PITPNM2: variants seen among roughly 807,000 people sequenced by gnomAD.
The protein encoded by PITPNM2 is phosphatidylinositol transfer protein membrane associated 2, also known as membrane-associated phosphatidylinositol transfer protein 2.
A neutral mutation model predicts 132.2 loss-of-function variants in PITPNM2; 35 were observed. That is an observed-to-expected ratio of 0.26 (90% CI 0.20 to 0.35). The LOEUF (loss-of-function observed/expected upper bound fraction) is 0.35. PITPNM2 is among the 10% of genes least tolerant of loss of function. PITPNM2 has a pLI of 1.00. For synonymous variants in PITPNM2, 738 were observed against 799.2 expected (o/e 0.92, Z 1.29); for missense variants, 1,332 against 1,912.0 (o/e 0.70, Z 5.66).
At position 123,001,147 on chromosome 12, in the gene PITPNM2, C is replaced by G. The variant is rs148826908; in HGVS notation, c.1060G>C (p.Asp354His). The change falls in exon 9 of 26, where the codon GAC becomes CAC. Residue 354 changes from aspartate (D) to histidine (H), a missense_variant. Around this residue, in one of 6 missense-constraint regions of PITPNM2, gnomAD observed 710 missense variants for 911.5 expected, o/e 0.78. Coordinates refer to ENST00000320201, the MANE Select transcript of PITPNM2 (RefSeq NM_020845.3). ...TCCTTGGGGAACATTTCCTCTGTGT[C>G]GGACAGGTCCTCTGGAGAGGAGAGA... ...EFFDAHEDLS[D>H]TEEMFPKDIT... The G allele has an allele frequency of 1.1e-5, 17 of 1,613,758 alleles. No individual in the cohort carries two copies. In the Admixed American group the frequency reaches 1.7e-4, roughly 16 times the overall value.
intron 1 of PITPNM2, among the ~76,000 whole-genome samples, chr12:123,119,399 C>A (rs1283644200): frequency 6.7e-6 from 1 of 149,110 alleles, no homozygotes; most frequent in African/African-American, 2.5e-5. Flanking sequence ...GCTCTGTCAC[C>A]CAGGCTGGAG....
intron 2 of PITPNM2, among the ~76,000 whole-genome samples, chr12:123,068,443 A>G (rs1032859645): frequency 4.0e-5 from 6 of 150,916 alleles, no homozygotes; most frequent in African/African-American, 7.3e-5. Context: ...GCGAGACTCC[A>G]TCTCCAAAAA....
intron 2 of PITPNM2, among the ~76,000 whole-genome samples, chr12:123,076,365 G>T (rs921351707): frequency 6.6e-6 from 1 of 152,170 alleles, no homozygotes; most frequent in African/African-American, 2.4e-5. Flanking sequence ...GTCTCTGGGG[G>T]GCTCAAAGGC....
chr12:123,136,319 C>T (rs754089735), intron 1 of PITPNM2, among the ~76,000 whole-genome samples: 2 of 151,672 alleles, frequency 1.3e-5, no homozygotes, highest in Non-Finnish European at 2.9e-5. Context: ...AAAAATTAAA[C>T]TCATTTATCA....
chr12:122,996,985 G>A (rs2038457195), intron 11 of PITPNM2, 75 bp from the exon 12 acceptor site: 6 of 1,358,592 alleles, frequency 4.4e-6, no homozygotes, highest in Non-Finnish European at 6.0e-6. Flanking sequence ...CCTGACCTGA[G>A]TCTCAGCCAT....
intron 3 of PITPNM2, among the ~76,000 whole-genome samples, chr12:123,030,432 G>A (rs1326407404): frequency 6.6e-6 from 1 of 152,176 alleles, no homozygotes; most frequent in Non-Finnish European, 1.5e-5. Context: ...GGTGGCTCAC[G>A]CCTGTAATCC....
rs2043724038 is a variant in PITPNM2, at chr12:123,150,729, G to A, written c.-200+24C>T. On this transcript the variant is annotated intron_variant, in intron 1 of 25. Coordinates refer to ENST00000320201, the MANE Select transcript of PITPNM2 (RefSeq NM_020845.3). The surrounding 1 kb of genome is among the most constrained non-coding windows in gnomAD (Gnocchi z 6.0). ...CTGCGGGACTCACCGCGGGCCTGCG[G>A]AGCGGCCGCCCGGACGCACTCACCC... is the stretch of plus-strand genomic sequence containing the variant. Among the ~76,000 whole-genome samples the A allele has an allele frequency of 6.6e-6, 1 of 150,708 alleles. No individual in the cohort carries two copies. Among genetic ancestry groups the A allele is most frequent in the South Asian group, 2.1e-4 (1 of 4,824 alleles).
intron 2 of PITPNM2, among the ~76,000 whole-genome samples, chr12:123,100,273 T>A (rs529217301): frequency 5.8e-4 from 88 of 152,332 alleles, no homozygotes; most frequent in Non-Finnish European, 9.4e-4. Context: ...AGTTACCATA[T>A]GACCCAGCAA....
At chr12:123,091,772 T>C (rs1035333303) in intron 2 of PITPNM2, 29 of 152,230 alleles carry the variant, frequency 1.9e-4, no homozygotes, top group African/African-American at 7.0e-4. Flanking sequence ...CCTGAGTTTC[T>C]ACACAGAATA....
At chr12:123,024,526 T>C (rs1282057503) in intron 3 of PITPNM2, among the ~76,000 whole-genome samples, 1 of 152,162 alleles carries the variant, frequency 6.6e-6, no homozygotes, top group African/African-American at 2.4e-5. Context: ...AACCCAAATG[T>C]CCACCAACAG....
intron 1 of PITPNM2, among the ~76,000 whole-genome samples, chr12:123,123,665 T>G (rs1205088963): frequency 6.6e-6 from 1 of 152,078 alleles, no homozygotes. Flanking sequence ...CCGGGAGCAT[T>G]GGCTCATGCC....
intron 1 of PITPNM2, among the ~76,000 whole-genome samples, chr12:123,112,647 T>G (rs973461377): frequency 1.3e-5 from 2 of 151,762 alleles, no homozygotes; most frequent in African/African-American, 4.8e-5. Context: ...CACACCATTC[T>G]CCTGCCTCAG....
chr12:122,995,942 C>T (rs1020076708), intron 13 of PITPNM2, among the ~76,000 whole-genome samples: 7 of 152,214 alleles, frequency 4.6e-5, no homozygotes, highest in Admixed American at 6.5e-5. Flanking sequence ...CCCCACTGCC[C>T]GCAGTGCAGA....
In PITPNM2 at chr12:122,994,265, C is replaced by G. The variant is rs2038323211; in HGVS notation, c.2233+536G>C. 6.6e-6 allele frequency among the ~76,000 whole-genome samples: 1 copy of G among 152,248 alleles called. No individual in the cohort carries two copies. The highest frequency in any genetic ancestry group is 6.5e-5 in the Admixed American group (1 of 15,286). Reference sequence around the variant, plus strand: ...TCATCTGGGAGTGTAACATGTGTTGCTACTCTCAGGATTGTGTGGCTCCTG... The same window carrying G: ...TCATCTGGGAGTGTAACATGTGTTGGTACTCTCAGGATTGTGTGGCTCCTG... On this transcript the variant is annotated intron_variant, in intron 15 of 25. Transcript: ENST00000320201. This position sits in a 1 kb window ranked among gnomAD's most constrained non-coding sequence, Gnocchi z 5.4.
chr12:123,110,927 A>G (rs1446613373), intron 1 of PITPNM2, among the ~76,000 whole-genome samples: 1 of 152,216 alleles, frequency 6.6e-6, no homozygotes, highest in Non-Finnish European at 1.5e-5. Flanking sequence ...GTCCGAGAGG[A>G]TGGCGTCCTG....
In PITPNM2 at chr12:123,117,081, G is replaced by T. The variant is rs557891013; in HGVS notation, c.-199-6593C>A. 6.6e-6 allele frequency among the ~76,000 whole-genome samples: 1 copy of T among 152,206 alleles called. No individual in the cohort carries two copies. On this transcript the variant is annotated intron_variant, in intron 1 of 25. Coordinates refer to ENST00000320201, the MANE Select transcript of PITPNM2 (RefSeq NM_020845.3). This position sits in a 1 kb window ranked among gnomAD's most constrained non-coding sequence, Gnocchi z 4.7. ...ACTGATGGTGGCCAAGCTCTCTAGCGGGTTTGCAGGAAGTTCTACTTCCAT... is the reference window on the plus strand; with the variant it reads ...ACTGATGGTGGCCAAGCTCTCTAGCTGGTTTGCAGGAAGTTCTACTTCCAT...
intron 2 of PITPNM2, among the ~76,000 whole-genome samples, chr12:123,050,239 A>G (rs2040814575): frequency 6.6e-6 from 1 of 152,196 alleles, no homozygotes; most frequent in South Asian, 2.1e-4. Flanking sequence ...TGAATGAGAT[A>G]TGGCAATGCC....
intron 2 of PITPNM2, among the ~76,000 whole-genome samples, chr12:123,110,097 A>G (rs1198474000): frequency 6.6e-6 from 1 of 152,076 alleles, no homozygotes; most frequent in African/African-American, 2.4e-5. Context: ...AGCTGGGACT[A>G]TAGGCATGTG....
Position 123,005,348 on chromosome 12 carries a change from C to T in PITPNM2, c.844G>A (p.Gly282Arg). The T allele has an allele frequency of 1.2e-6, 2 of 1,614,120 alleles. No homozygotes were observed. Among genetic ancestry groups the T allele is most frequent in the Non-Finnish European group, 1.7e-6 (2 of 1,180,014 alleles). The change falls in exon 7 of 26, where the codon GGG becomes AGG. Residue 282 changes from glycine to arginine, a missense_variant. Transcript: ENST00000320201. This position sits in a 1 kb window ranked among gnomAD's most constrained non-coding sequence, Gnocchi z 6.2. ...KHEAVSDQTS[G>R]EPPEPSSSNG... ...CTGCTGCTGGGCTCCGGGGGCTCCCCAGAGGTCTGGTCCGAGACGGCTTCG... is the reference window on the plus strand; with the variant it reads ...CTGCTGCTGGGCTCCGGGGGCTCCCTAGAGGTCTGGTCCGAGACGGCTTCG...
Sources: gnomAD v4.1 joint callset for allele counts (sites outside exome capture counted in the v4.1 genomes callset) on GRCh38, gnomAD v4.1.1 for gene constraint, gnomAD v4.1.1 regional missense constraint, Gnocchi (gnomAD v3.1) non-coding constraint, MANE v1.5 for transcripts, NCBI Gene and HGNC (gene_info 2026-07-23, HGNC 2026-07-21) for gene names.